The following MYRIP variants were observed in gnomAD, a reference collection of about 807,000 sequenced individuals.
MYRIP encodes rab effector MyRIP.
A neutral mutation model predicts 98.0 loss-of-function variants in MYRIP; 49 were observed. That is an observed-to-expected ratio of 0.50 (90% CI 0.40 to 0.63). The LOEUF (loss-of-function observed/expected upper bound fraction) is 0.63, where lower values mean the gene tolerates loss of function less well. Ranked by LOEUF, MYRIP falls within the 30% of genes least tolerant of loss-of-function variation. MYRIP has a pLI of 0.00. For synonymous variants in MYRIP, 404 were observed against 409.5 expected (o/e 0.99, Z 0.16); for missense variants, 1,004 against 1,058.2 (o/e 0.95, Z 0.71).
intron 8 of MYRIP, chr3:40,173,252 C>T (rs1421227002): frequency 6.6e-6 from 1 of 152,220 alleles, no homozygotes; most frequent in Non-Finnish European, 1.5e-5. Flanking sequence ...TAAACGGAAT[C>T]CTAGCTACCC....
intron 2 of MYRIP, among the ~76,000 whole-genome samples, chr3:39,906,280 G>A (rs1004523336): frequency 3.9e-5 from 6 of 152,016 alleles, no homozygotes; most frequent in Non-Finnish European, 7.4e-5. Context: ...GAGCCTCTAC[G>A]GGTGAGGCAC....
intron 2 of MYRIP, among the ~76,000 whole-genome samples, chr3:39,983,277 G>A (rs1945939967): frequency 6.6e-6 from 1 of 152,208 alleles, no homozygotes; most frequent in African/African-American, 2.4e-5. Flanking sequence ...TACCACTGCA[G>A]CAGAGGAAAG....
In MYRIP at chr3:40,051,384, G is replaced by A. The variant is rs1029155317; in HGVS notation, c.332+7113G>A. ...TTTTTAGTGTTTCTTTAGCAATAAT[G>A]TATTTTAATTAGCTGTGTACATTTT... is the stretch of plus-strand genomic sequence containing the variant. On this transcript the variant is annotated intron_variant, in intron 3 of 16. Transcript: ENST00000302541. Among the ~76,000 whole-genome samples the A allele has an allele frequency of 3.3e-5, 5 of 152,122 alleles. No homozygotes were observed. In the East Asian group the frequency reaches 7.7e-4, roughly 23 times the overall value.
intron 11 of MYRIP, among the ~76,000 whole-genome samples, chr3:40,228,456 C>T (rs563726716): frequency 6.0e-4 from 91 of 152,196 alleles, no homozygotes; most frequent in African/African-American, 2.1e-3. Flanking sequence ...AGGCCAGGTG[C>T]CTGCTATCCC....
intron 10 of MYRIP, among the ~76,000 whole-genome samples, chr3:40,196,997 C>T (rs773564526): frequency 5.3e-5 from 8 of 152,154 alleles, no homozygotes; most frequent in Non-Finnish European, 7.3e-5. Context: ...TTATCCCTGG[C>T]CTCACTCACT....
chr3:39,909,197 T>C (rs1001844916), intron 2 of MYRIP, among the ~76,000 whole-genome samples: 1 of 152,140 alleles, frequency 6.6e-6, no homozygotes. Context: ...TGGAGACTCA[T>C]GGAGGGCAGG....
intron 2 of MYRIP, among the ~76,000 whole-genome samples, chr3:39,995,421 G>A (rs1946320087): frequency 6.6e-6 from 1 of 152,136 alleles, no homozygotes; most frequent in Non-Finnish European, 1.5e-5. Flanking sequence ...TCGATCAACT[G>A]GAAGAAAGGG....
At chr3:40,201,769 T>C (rs1455637170) in intron 10 of MYRIP, among the ~76,000 whole-genome samples, 2 of 152,208 alleles carry the variant, frequency 1.3e-5, no homozygotes, top group African/African-American at 2.4e-5. Context: ...TATTTGTGTA[T>C]GTGTCTGGGT....
intron 3 of MYRIP, among the ~76,000 whole-genome samples, chr3:40,138,606 C>T (rs1438037238): frequency 6.6e-6 from 1 of 152,130 alleles, no homozygotes; most frequent in Admixed American, 6.6e-5. Context: ...TCTTAAGATA[C>T]TTAATGTTTC....
At chr3:39,864,521 G>A (rs1021828076) in intron 1 of MYRIP, among the ~76,000 whole-genome samples, 1 of 152,078 alleles carries the variant, frequency 6.6e-6, no homozygotes, top group Non-Finnish European at 1.5e-5. Flanking sequence ...CAAGCTGAGA[G>A]ACAAATCAGT....
chr3:40,028,236 T>A (rs1211989015), intron 2 of MYRIP, among the ~76,000 whole-genome samples: 4 of 152,124 alleles, frequency 2.6e-5, no homozygotes, highest in Non-Finnish European at 4.4e-5. Context: ...GCTTTTAAGA[T>A]GCCTGTTGTA....
chr3:40,244,213 T>A (rs1243012324), intron 12 of MYRIP, among the ~76,000 whole-genome samples: 1 of 152,232 alleles, frequency 6.6e-6, no homozygotes, highest in African/African-American at 2.4e-5. Context: ...TTTGAAATGC[T>A]TTTTCTTACA....
intron 2 of MYRIP, among the ~76,000 whole-genome samples, chr3:39,953,789 A>G (rs1307430856): frequency 6.6e-6 from 1 of 152,298 alleles, no homozygotes; most frequent in Non-Finnish European, 1.5e-5. Flanking sequence ...AAGCCGTGAC[A>G]GATGGTACCT....
intron 2 of MYRIP, among the ~76,000 whole-genome samples, chr3:40,000,372 A>G (rs1282169946): frequency 6.6e-6 from 1 of 152,196 alleles, no homozygotes; most frequent in Admixed American, 6.5e-5. Flanking sequence ...CATTAGGAAG[A>G]GTGTAGTGGT....
intron 10 of MYRIP, among the ~76,000 whole-genome samples, chr3:40,191,121 C>T (rs953260096): frequency 2.6e-5 from 4 of 152,180 alleles, no homozygotes; most frequent in Non-Finnish European, 2.9e-5. Flanking sequence ...AGTAGTTCTT[C>T]CCACATGGTT....
At chr3:39,920,244 A>G (rs1944276959) in intron 2 of MYRIP, among the ~76,000 whole-genome samples, 1 of 141,594 alleles carries the variant, frequency 7.1e-6, no homozygotes, top group African/African-American at 3.2e-5. Context: ...ATAATTATAG[A>G]TACCTTTAAA....
chr3:40,030,999 G>A (rs905996088), intron 2 of MYRIP, among the ~76,000 whole-genome samples: 1 of 152,086 alleles, frequency 6.6e-6, no homozygotes, highest in Admixed American at 6.6e-5. Context: ...TCAAAGTCTG[G>A]GGAGGGGAGT....
chr3:39,878,511 G>A (rs1379744014), intron 1 of MYRIP, among the ~76,000 whole-genome samples: 3 of 151,948 alleles, frequency 2.0e-5, no homozygotes, highest in Non-Finnish European at 4.4e-5. Flanking sequence ...AACAGTATGC[G>A]CCTGGTACTT....
At chr3:40,163,450 G>A (rs1950439118) in intron 5 of MYRIP, among the ~76,000 whole-genome samples, 1 of 152,144 alleles carries the variant, frequency 6.6e-6, no homozygotes, top group South Asian at 2.1e-4. Context: ...GTCTGTGAAG[G>A]CATTTCTGGA....
Sources: gnomAD v4.1 joint callset for allele counts (sites outside exome capture counted in the v4.1 genomes callset) on GRCh38, gnomAD v4.1.1 for gene constraint, MANE v1.5 for transcripts, NCBI Gene and HGNC (gene_info 2026-07-23, HGNC 2026-07-21) for gene names.